SOX6: variants seen among roughly 807,000 people sequenced by gnomAD.
SOX6 encodes the protein SRY-box transcription factor 6.
SOX6 carries 11 observed loss-of-function variants against 97.8 expected under a neutral mutation model. The observed-to-expected ratio is 0.11, with a 90% CI of 0.07 to 0.19. SOX6 has a LOEUF of 0.19. Ranked by LOEUF, SOX6 falls within the 10% of genes least tolerant of loss-of-function variation. The probability of loss-of-function intolerance (pLI) is 1.00; values close to 1 mark genes in which losing one functional copy is unlikely to be tolerated. For missense variants in SOX6, 810 were observed against 1,039.5 expected (o/e 0.78, Z 3.04); for synonymous variants, 360 against 371.4 (o/e 0.97, Z 0.35).
chr11:16,440,435 G>A (rs959460766), intron 1 of SOX6, among the ~76,000 whole-genome samples: 6 of 152,292 alleles, frequency 3.9e-5, no homozygotes, highest in African/African-American at 4.8e-5. Context: ...GAAGCAGGAC[G>A]CAGAGCATAT....
rs59652288 is a variant in SOX6 at position 16,132,444 on chromosome 11, AAAAGAAAG to A, written c.778-20529_778-20522del. On this transcript the variant is annotated intron_variant, in intron 6 of 15. Coordinates refer to ENST00000683767, the MANE Select transcript of SOX6 (RefSeq NM_001367873.1). ...AAGAAAGAAAGAAAGAAAGAAAGAA[AAAAGAAAG>A]AAAGAAAGAAAGAAAGAAAGAAAGA... is the stretch of plus-strand genomic sequence containing the variant. Among the ~76,000 whole-genome samples, 120 of 27,212 alleles carry A rather than the reference AAAAGAAAG, an allele frequency of 4.4e-3. 7 individuals are homozygous for A. The highest frequency in any genetic ancestry group is 0.012 in the African/African-American group (70 of 5,832). The allele number at this position is 27,212 out of a possible 152,430, so 17.9% of individuals were successfully genotyped here.
rs148932698 is a variant in SOX6 at position 16,117,002 on chromosome 11, C to A, written c.778-5079G>T. On this transcript the variant is annotated intron_variant, in intron 6 of 15. Transcript: ENST00000683767. ...TCTTCCATAAAACTGGTACCTGGTG[C>A]CAAAAAGGTTGGGGATGGCTGCCCT... Among the ~76,000 whole-genome samples, 14 of 152,216 alleles carry A rather than the reference C, an allele frequency of 9.2e-5. No individual in the cohort carries two copies. In the East Asian group the frequency reaches 2.7e-3, roughly 29 times the overall value.
intron 6 of SOX6, among the ~76,000 whole-genome samples, chr11:16,132,314 G>A (rs1258963007): frequency 2.4e-3 from 237 of 97,850 alleles, no homozygotes; most frequent in Middle Eastern, 0.015. Flanking sequence ...AAGGAAGGAA[G>A]GAAGGAAGGA....
intron 6 of SOX6, among the ~76,000 whole-genome samples, chr11:16,161,319 TA>T (rs1483678966): frequency 6.6e-6 from 1 of 150,890 alleles, no homozygotes; most frequent in African/African-American, 2.4e-5. Flanking sequence ...GAATTTGATA[TA>T]TATATATATA....
intron 6 of SOX6, among the ~76,000 whole-genome samples, chr11:16,112,729 G>A (rs1345466167): frequency 6.6e-6 from 1 of 152,054 alleles, no homozygotes; most frequent in African/African-American, 2.4e-5. Flanking sequence ...GAAAATAAGA[G>A]CTATGACAGA....
chr11:16,609,826 G>A (rs764127095), intron 4 of SOX6, among the ~76,000 whole-genome samples: 3 of 152,202 alleles, frequency 2.0e-5, no homozygotes, highest in African/African-American at 4.8e-5. Flanking sequence ...GTAGCTTGGG[G>A]ACTGTGAGTT....
intron 5 of SOX6, among the ~76,000 whole-genome samples, chr11:16,184,724 AGGT>A (rs1282578541): frequency 6.6e-6 from 1 of 152,118 alleles, no homozygotes; most frequent in Non-Finnish European, 1.5e-5. Context: ...GGCCCTCAGG[AGGT>A]CAAATAGCTT....
intron 1 of SOX6, among the ~76,000 whole-genome samples, chr11:16,462,791 A>G (rs1859956357): frequency 6.6e-6 from 1 of 152,192 alleles, no homozygotes; most frequent in African/African-American, 2.4e-5. Context: ...GCAGGCAACA[A>G]TCACTCTGTC....
chr11:16,137,084 T>A (rs1849986716), intron 6 of SOX6, among the ~76,000 whole-genome samples: 1 of 152,206 alleles, frequency 6.6e-6, no homozygotes. Context: ...GCAACATTAA[T>A]CTAATCTGAA....
intron 6 of SOX6, 69 bp downstream of exon 6, chr11:16,183,817 T>C: frequency 6.8e-7 from 1 of 1,460,388 alleles, no homozygotes; most frequent in Non-Finnish European, 9.6e-7. Context: ...ATCTGCAGAG[T>C]TTTAAATTCC....
At chr11:16,671,802 C>T (rs1161337737) in intron 3 of SOX6, among the ~76,000 whole-genome samples, 1 of 152,130 alleles carries the variant, frequency 6.6e-6, no homozygotes, top group East Asian at 1.9e-4. Flanking sequence ...ACAGAGAACT[C>T]CTGAAAGATT....
At chr11:16,368,557 T>TA (rs1857419754) in intron 1 of SOX6, among the ~76,000 whole-genome samples, 1 of 152,182 alleles carries the variant, frequency 6.6e-6, no homozygotes, top group African/African-American at 2.4e-5. Flanking sequence ...TATATCTACC[T>TA]ATTTAAAAAA....
chr11:16,544,955 G>A (rs1271282227), intron 4 of SOX6, among the ~76,000 whole-genome samples: 6 of 152,032 alleles, frequency 3.9e-5, no homozygotes, highest in African/African-American at 7.2e-5. Flanking sequence ...CAGGCACCAC[G>A]GCTCACATCT....
At chr11:16,322,960 A>G (rs918839081) in intron 2 of SOX6, among the ~76,000 whole-genome samples, 1 of 152,194 alleles carries the variant, frequency 6.6e-6, no homozygotes, top group Non-Finnish European at 1.5e-5. Flanking sequence ...TAACACGACT[A>G]AACACATGAA....
intron 3 of SOX6, among the ~76,000 whole-genome samples, chr11:16,307,031 G>A (rs1409503888): frequency 1.3e-5 from 2 of 152,148 alleles, no homozygotes; most frequent in East Asian, 3.9e-4. Context: ...ACTAAGGAAT[G>A]TCCAAGTTAT....
At chr11:16,491,901 G>A (rs570732032) in intron 4 of SOX6, among the ~76,000 whole-genome samples, 7 of 152,120 alleles carry the variant, frequency 4.6e-5, no homozygotes, top group South Asian at 4.2e-4. Flanking sequence ...CCGAACCTGC[G>A]ATCAATAAAG....
At chr11:16,727,279 T>TA (rs1848313435) in intron 2 of SOX6, among the ~76,000 whole-genome samples, 1 of 149,238 alleles carries the variant, frequency 6.7e-6, no homozygotes, top group African/African-American at 2.5e-5. Flanking sequence ...TTATATGCTA[T>TA]ATTCACCTTG....
intron 1 of SOX6, among the ~76,000 whole-genome samples, chr11:16,466,073 A>C (rs1860025641): frequency 6.6e-6 from 1 of 152,216 alleles, no homozygotes; most frequent in South Asian, 2.1e-4. Flanking sequence ...ATAAAAGGTG[A>C]TGTTTTGGAA....
At chr11:16,736,083 C>T (rs1360386605) in intron 2 of SOX6, among the ~76,000 whole-genome samples, 1 of 152,196 alleles carries the variant, frequency 6.6e-6, no homozygotes, top group African/African-American at 2.4e-5. Flanking sequence ...AGTTTCTAGG[C>T]CTCATATAAG....
Sources: gnomAD v4.1 joint callset for allele counts (sites outside exome capture counted in the v4.1 genomes callset) on GRCh38, gnomAD v4.1.1 for gene constraint, MANE v1.5 for transcripts, NCBI Gene and HGNC (gene_info 2026-07-23, HGNC 2026-07-21) for gene names.